Variants in PCDHGA3 observed in about 807,000 individuals in gnomAD.
PCDHGA3 encodes the protein protocadherin gamma subfamily A, 3.
In PCDHGA3, 40 loss-of-function variants were observed where a neutral mutation model predicts 58.5. That is an observed-to-expected ratio of 0.68 (90% CI 0.53 to 0.89). The LOEUF (loss-of-function observed/expected upper bound fraction) is 0.89. PCDHGA3 is among the 40% of genes least tolerant of loss of function. The pLI, the probability that PCDHGA3 is intolerant of heterozygous loss-of-function variation, is 0.00. For synonymous variants in PCDHGA3, 530 were observed against 525.7 expected (o/e 1.01, Z -0.11); for missense variants, 1,223 against 1,195.9 (o/e 1.02, Z -0.33).
chr5:141,394,152 G>A lies in PCDHGA3; in HGVS notation c.2424+47695G>A, dbSNP rs141035845. 5.0e-3 allele frequency: 8,040 copies of A among 1,613,782 alleles called. 48 individuals are homozygous for A. Among genetic ancestry groups the A allele is most frequent in the Admixed American group, 9.4e-3 (566 of 59,984 alleles). On this transcript the variant is annotated intron_variant, in intron 1 of 3. Coordinates refer to ENST00000253812, the MANE Select transcript of PCDHGA3 (RefSeq NM_018916.4). ...CGCTCTGCACGTGGCAGACATTAAC[G>A]ACAACCCTCCTACTTTCCCTCATGC...
intron 1 of PCDHGA3, among the ~76,000 whole-genome samples, chr5:141,472,119 A>C (rs1015212535): frequency 6.6e-6 from 1 of 152,240 alleles, no homozygotes; most frequent in African/African-American, 2.4e-5. Context: ...AAAGAAAATA[A>C]AAGAGAAGTT....
intron 1 of PCDHGA3, chr5:141,398,815 A>G (rs1369560562): frequency 6.2e-7 from 1 of 1,613,870 alleles, no homozygotes; most frequent in East Asian, 2.2e-5. Context: ...TGAGCTCCGG[A>G]TCCAGGTAAC....
intron 1 of PCDHGA3, chr5:141,376,282 G>A: frequency 6.2e-7 from 1 of 1,614,214 alleles, no homozygotes; most frequent in Non-Finnish European, 8.5e-7. Context: ...GTGGCTTAGC[G>A]AGCATGCCCG....
In PCDHGA3 at chr5:141,487,470, G is replaced by C; in HGVS notation, c.2425-7337G>C. ...GACCCTATCAAGTTTGTTGATGTGG[G>C]AGGCCACTCTCATGGCTGTACACCC... On this transcript the variant is annotated intron_variant, in intron 1 of 3. Coordinates refer to ENST00000253812, the MANE Select transcript of PCDHGA3 (RefSeq NM_018916.4). The surrounding 1 kb of genome is among the most constrained non-coding windows in gnomAD (Gnocchi z 5.0). The C allele has an allele frequency of 1.9e-6, 3 of 1,614,162 alleles. No individual in the cohort carries two copies. Among genetic ancestry groups the C allele is most frequent in the South Asian group, 1.1e-5 (1 of 91,084 alleles).
At chr5:141,384,494 T>G (rs900386629) in intron 1 of PCDHGA3, 2 of 1,613,972 alleles carry the variant, frequency 1.2e-6, no homozygotes, top group Admixed American at 1.7e-5. Context: ...CAACTAAGAG[T>G]GACTGCACAT....
chr5:141,449,471 G>A (rs1261821886), intron 1 of PCDHGA3, among the ~76,000 whole-genome samples: 1 of 151,060 alleles, frequency 6.6e-6, no homozygotes, highest in African/African-American at 2.4e-5. Flanking sequence ...GCCAGGCCTG[G>A]TACCCCATGC....
chr5:141,433,277 T>G, intron 1 of PCDHGA3: 1 of 1,231,982 alleles, frequency 8.1e-7, no homozygotes. Flanking sequence ...CACTGCAGCC[T>G]CAAACTCCTA....
intron 1 of PCDHGA3, chr5:141,417,652 GCCTGGGATTC>G: frequency 2.4e-6 from 2 of 840,506 alleles, no homozygotes; most frequent in Non-Finnish European, 3.5e-6. Context: ...TCAGCCTCTA[GCCTGGGATTC>G]CCTGCGCAGC....
intron 1 of PCDHGA3, among the ~76,000 whole-genome samples, chr5:141,346,841 A>C (rs1757815413): frequency 6.6e-6 from 1 of 152,198 alleles, no homozygotes; most frequent in Non-Finnish European, 1.5e-5. Context: ...GGCCTTTTTC[A>C]TTTTAAATCC....
intron 1 of PCDHGA3, chr5:141,421,745 T>C: frequency 6.2e-7 from 1 of 1,613,950 alleles, no homozygotes; most frequent in Non-Finnish European, 8.5e-7. Flanking sequence ...AGCTACCAGC[T>C]CAGCCCTAAT....
intron 1 of PCDHGA3, chr5:141,417,038 T>TAAA (rs567249795): frequency 5.5e-5 from 8 of 145,968 alleles, no homozygotes; most frequent in East Asian, 2.0e-4. Context: ...GTTTTTTTTT[T>TAAA]AAAAAAAACT....
intron 1 of PCDHGA3, chr5:141,429,110 T>A (rs2097186231): frequency 6.6e-6 from 1 of 151,978 alleles, no homozygotes; most frequent in Non-Finnish European, 1.5e-5. Context: ...CGCCTCGGCC[T>A]CCCAAAGTGC....
chr5:141,375,040 T>C (rs1771075321), intron 1 of PCDHGA3: 4 of 1,614,056 alleles, frequency 2.5e-6, no homozygotes, highest in Non-Finnish European at 3.4e-6. Flanking sequence ...AGCTGGGTGT[T>C]GAAGCCCGGG....
chr5:141,431,416 C>G lies in PCDHGA3; in HGVS notation c.2425-63391C>G, dbSNP rs778722151. 3 of 1,613,596 alleles carry G rather than the reference C, an allele frequency of 1.9e-6. No homozygotes were observed. The highest frequency in any genetic ancestry group is 2.7e-5 in the African/African-American group (2 of 74,954). On this transcript the variant is annotated intron_variant, in intron 1 of 3. Coordinates refer to ENST00000253812, the MANE Select transcript of PCDHGA3 (RefSeq NM_018916.4). The surrounding 1 kb of genome is among the most constrained non-coding windows in gnomAD (Gnocchi z 4.8). ...TCCTTACGGCCTCCGACGGGGGCGA[C>G]CCGGTGCGCACAGGCACCGCGCGCA...
At chr5:141,360,708 T>C in intron 1 of PCDHGA3, 1 of 1,613,948 alleles carries the variant, frequency 6.2e-7, no homozygotes, top group South Asian at 1.1e-5. Context: ...GTCGTAAATA[T>C]CCTGAGTTGA....
In PCDHGA3 at chr5:141,375,395, A is replaced by T. The variant is rs571734136; in HGVS notation, c.2424+28938A>T. 1.2e-6 allele frequency: 2 copies of T among 1,613,932 alleles called. No individual in the cohort carries two copies. The highest frequency in any genetic ancestry group is 2.2e-5 in the South Asian group (2 of 91,080). ...ACCACCTCTGTCTACAGAAACAATC[A>T]TCTCTCTAAATGTGGCAGACACCAA... On this transcript the variant is annotated intron_variant, in intron 1 of 3. Coordinates refer to ENST00000253812, the MANE Select transcript of PCDHGA3 (RefSeq NM_018916.4).
intron 1 of PCDHGA3, chr5:141,419,639 G>A (rs1478835703): frequency 6.2e-7 from 1 of 1,612,442 alleles, no homozygotes; most frequent in African/African-American, 1.3e-5. Flanking sequence ...GGTGGTGGCC[G>A]TGGACGCGGA....
At position 141,477,879 on chromosome 5, in the gene PCDHGA3, A is replaced by T. The variant is rs932363258; in HGVS notation, c.2425-16928A>T. The T allele has an allele frequency of 3.4e-5, 55 of 1,614,060 alleles. No homozygotes were observed. The highest frequency in any genetic ancestry group is 4.6e-5 in the Non-Finnish European group (54 of 1,180,034). ...CTGCCTCGAGGTACCTCAGCTGGCCACCTAGTGTCACGGGTGGTAGGCTGG... is the reference window on the plus strand; with the variant it reads ...CTGCCTCGAGGTACCTCAGCTGGCCTCCTAGTGTCACGGGTGGTAGGCTGG... On this transcript the variant is annotated intron_variant, in intron 1 of 3. Coordinates refer to ENST00000253812, the MANE Select transcript of PCDHGA3 (RefSeq NM_018916.4). This position sits in a 1 kb window ranked among gnomAD's most constrained non-coding sequence, Gnocchi z 4.9.
At chr5:141,447,656 C>T (rs1352103605) in intron 1 of PCDHGA3, among the ~76,000 whole-genome samples, 1 of 152,056 alleles carries the variant, frequency 6.6e-6, no homozygotes, top group Non-Finnish European at 1.5e-5. Flanking sequence ...ATTTTCCCCC[C>T]CAGGAAGTTA....
Sources: gnomAD v4.1 joint callset for allele counts (sites outside exome capture counted in the v4.1 genomes callset) on GRCh38, gnomAD v4.1.1 for gene constraint, Gnocchi (gnomAD v3.1) non-coding constraint, MANE v1.5 for transcripts, NCBI Gene and HGNC (gene_info 2026-07-23, HGNC 2026-07-21) for gene names.